PAK5: variants seen among roughly 807,000 people sequenced by gnomAD.
PAK5 encodes p21 (RAC1) activated kinase 5.
In PAK5, 16 loss-of-function variants were observed where a neutral mutation model predicts 65.9. The observed-to-expected ratio is 0.24, with a 90% CI of 0.16 to 0.37. PAK5 has a LOEUF of 0.37. Ranked by LOEUF, PAK5 falls within the 10% of genes least tolerant of loss-of-function variation. PAK5 has a pLI of 1.00. For missense variants in PAK5, 785 were observed against 903.9 expected, an observed-to-expected ratio of 0.87 and a Z score of 1.69; for synonymous variants, 371 against 354.9, an observed-to-expected ratio of 1.05 and a Z score of -0.51.
chr20:9,777,627 C>T lies in PAK5; in HGVS notation c.-162+61135G>A, dbSNP rs377517676. ...ACTTATACAACTACCTATAGCAGGGCGGTAGAAATCAAGGACCAATTAGAG... is the reference window on the plus strand; with the variant it reads ...ACTTATACAACTACCTATAGCAGGGTGGTAGAAATCAAGGACCAATTAGAG... On this transcript the variant is annotated intron_variant, in intron 1 of 9. Transcript: ENST00000353224. 2.0e-4 allele frequency among the ~76,000 whole-genome samples: 30 copies of T among 151,982 alleles called. 1 individual carries two copies. Among genetic ancestry groups the T allele is most frequent in the Admixed American group, 9.8e-4 (15 of 15,240 alleles).
chr20:9,683,639 C>T (rs1171079347), intron 2 of PAK5, among the ~76,000 whole-genome samples: 1 of 152,158 alleles, frequency 6.6e-6, no homozygotes, highest in Non-Finnish European at 1.5e-5. Context: ...TGTATCTAGG[C>T]ACTGGTAGAT....
At chr20:9,801,661 C>T (rs1339095764) in intron 1 of PAK5, among the ~76,000 whole-genome samples, 1 of 151,828 alleles carries the variant, frequency 6.6e-6, no homozygotes, top group Admixed American at 6.6e-5. Context: ...TTCTTTCTAT[C>T]TCCATCTCCA....
intron 3 of PAK5, among the ~76,000 whole-genome samples, chr20:9,600,198 A>T (rs1376832227): frequency 1.3e-5 from 2 of 152,164 alleles, no homozygotes; most frequent in Non-Finnish European, 2.9e-5. Flanking sequence ...ATTCTATTCC[A>T]TTGGCCTAGA....
rs185375179 is a variant in PAK5, at chr20:9,560,267, A to G, written c.1617-2533T>C. Among the ~76,000 whole-genome samples, 3 of 152,200 alleles carry G rather than the reference A, an allele frequency of 2.0e-5. No individual in the cohort carries two copies. In the East Asian group the frequency reaches 5.8e-4, roughly 29 times the overall value. ...TTCTACTTCTTTCCTATAGGAAAAA[A>G]GCTTGGCATGGAATAAAAAACCCTT... On this transcript the variant is annotated intron_variant, in intron 6 of 9. Coordinates refer to ENST00000353224, the MANE Select transcript of PAK5 (RefSeq NM_177990.4).
intron 8 of PAK5, among the ~76,000 whole-genome samples, chr20:9,543,748 C>T (rs1229740925): frequency 1.3e-5 from 2 of 152,130 alleles, no homozygotes; most frequent in Non-Finnish European, 2.9e-5. Context: ...TATTACCTCC[C>T]AAGAAGGCCC....
intron 2 of PAK5, among the ~76,000 whole-genome samples, chr20:9,705,957 G>A (rs1274489563): frequency 1.3e-5 from 2 of 152,008 alleles, no homozygotes; most frequent in African/African-American, 2.4e-5. Flanking sequence ...TGATTTGGGC[G>A]AGCTCCACAC....
At chr20:9,797,570 C>T (rs1357399032) in intron 1 of PAK5, among the ~76,000 whole-genome samples, 3 of 151,258 alleles carry the variant, frequency 2.0e-5, no homozygotes, top group Non-Finnish European at 4.4e-5. Flanking sequence ...GGGTGCAGCA[C>T]ACCAACACGG....
At chr20:9,723,333 T>C (rs1292820246) in intron 1 of PAK5, among the ~76,000 whole-genome samples, 2 of 152,092 alleles carry the variant, frequency 1.3e-5, no homozygotes, top group African/African-American at 2.4e-5. Context: ...GGCTTTGAGG[T>C]GCAAGGGAAA....
chr20:9,763,309 G>A (rs2048721177), intron 1 of PAK5, among the ~76,000 whole-genome samples: 3 of 152,080 alleles, frequency 2.0e-5, no homozygotes, highest in Admixed American at 2.0e-4. Context: ...GGGGCAGGGT[G>A]AGAGGAAACT....
intron 1 of PAK5, among the ~76,000 whole-genome samples, chr20:9,758,164 CT>C (rs2048657430): frequency 6.6e-6 from 1 of 152,138 alleles, no homozygotes. Flanking sequence ...TGCATGCCTG[CT>C]TTTGCTCTTG....
intron 2 of PAK5, among the ~76,000 whole-genome samples, chr20:9,680,704 T>C (rs902043771): frequency 6.6e-6 from 1 of 152,248 alleles, no homozygotes; most frequent in Non-Finnish European, 1.5e-5. Context: ...GAAGAAGATA[T>C]AGACATGTAG....
At position 9,673,044 on chromosome 20, in the gene PAK5, G is replaced by A. The variant is rs190111601; in HGVS notation, c.-11-28705C>T. Among the ~76,000 whole-genome samples the A allele has an allele frequency of 6.6e-5, 10 of 152,084 alleles. No individual in the cohort carries two copies. The East Asian group carries it at 1.4e-3, about 21-fold the overall frequency. Reference sequence around the variant, plus strand: ...CTATTCATCTTTATGCAAAACAATTGCCCATATGAAAGGAAAAAAATAACA... The same window carrying A: ...CTATTCATCTTTATGCAAAACAATTACCCATATGAAAGGAAAAAAATAACA... On this transcript the variant is annotated intron_variant, in intron 2 of 9. Coordinates refer to ENST00000353224, the MANE Select transcript of PAK5 (RefSeq NM_177990.4).
rs112783025 is a variant in PAK5, at chr20:9,547,508, A to C, written c.1744-3014T>G. ...TTTACAGAGAAGTAAGCCAAAACAC[A>C]GAAGTGGTTAGGCCACTTTGCCAAG... On this transcript the variant is annotated intron_variant, in intron 7 of 9. Transcript: ENST00000353224. 8.3e-3 allele frequency among the ~76,000 whole-genome samples: 1,269 copies of C among 152,308 alleles called. 8 individuals are homozygous for C. Among genetic ancestry groups the C allele is most frequent in the African/African-American group, 0.029 (1,199 of 41,556 alleles).
intron 6 of PAK5, among the ~76,000 whole-genome samples, chr20:9,560,157 T>C (rs2045570765): frequency 6.6e-6 from 1 of 152,212 alleles, no homozygotes; most frequent in South Asian, 2.1e-4. Flanking sequence ...AGATCCTATT[T>C]GACTGGAACA....
At chr20:9,573,276 C>T (rs989733357) in intron 4 of PAK5, among the ~76,000 whole-genome samples, 12 of 152,112 alleles carry the variant, frequency 7.9e-5, no homozygotes, top group Non-Finnish European at 1.8e-4. Flanking sequence ...AAATAATCCC[C>T]AGTTAACAAC....
chr20:9,703,160 C>T (rs2047961334), intron 2 of PAK5, among the ~76,000 whole-genome samples: 1 of 152,180 alleles, frequency 6.6e-6, no homozygotes, highest in South Asian at 2.1e-4. Context: ...TGTAGGCCAT[C>T]AGAACATACA....
chr20:9,551,798 C>T (rs1712284374), intron 7 of PAK5, among the ~76,000 whole-genome samples: 1 of 152,150 alleles, frequency 6.6e-6, no homozygotes, highest in South Asian at 2.1e-4. Context: ...CCTGAGTGAA[C>T]CAGAATCTCT....
rs115478666 is a variant in PAK5, at chr20:9,674,745, T to C, written c.-11-30406A>G. Among the ~76,000 whole-genome samples the C allele has an allele frequency of 6.7e-3, 1,024 of 152,324 alleles. 9 individuals carry two copies. Among genetic ancestry groups the C allele is most frequent in the African/African-American group, 0.023 (975 of 41,572 alleles). On this transcript the variant is annotated intron_variant, in intron 2 of 9. Transcript: ENST00000353224. ...AGTGAGAGCTGAACAGGCTGTGACC[T>C]GAGCTGGAGTCTAGTCTCAGTCTAA...
rs1476200565 is a variant in PAK5, at chr20:9,724,373, T to C, written c.-161-12938A>G. Among the ~76,000 whole-genome samples the C allele has an allele frequency of 5.9e-5, 9 of 152,278 alleles. No individual in the cohort carries two copies. The East Asian group carries it at 1.7e-3, about 29-fold the overall frequency. ...ATCAGTGTCCTCATTGACTTGGTTTTCGATATTCTCTTGCACATTAAGGAA... is the reference window on the plus strand; with the variant it reads ...ATCAGTGTCCTCATTGACTTGGTTTCCGATATTCTCTTGCACATTAAGGAA... On this transcript the variant is annotated intron_variant, in intron 1 of 9. Transcript: ENST00000353224.
Sources: gnomAD v4.1 joint callset for allele counts (sites outside exome capture counted in the v4.1 genomes callset) on GRCh38, gnomAD v4.1.1 for gene constraint, MANE v1.5 for transcripts, NCBI Gene and HGNC (gene_info 2026-07-23, HGNC 2026-07-21) for gene names.